AP3S2: variants seen among roughly 807,000 people sequenced by gnomAD.
AP3S2 encodes adaptor related protein complex 3 subunit sigma 2, also known as AP-3 complex subunit sigma-2.
A neutral mutation model predicts 23.4 loss-of-function variants in AP3S2; 22 were observed. The ratio of observed to expected loss-of-function variants is 0.94; its 90% CI spans 0.67 to 1.34. The LOEUF (loss-of-function observed/expected upper bound fraction) is 1.34. AP3S2 is among the 40% of genes most tolerant of loss of function. AP3S2 has a pLI of 0.00. For synonymous variants in AP3S2, 86 were observed against 87.1 expected, an observed-to-expected ratio of 0.99 and a Z score of 0.07; for missense variants, 241 against 236.9, an observed-to-expected ratio of 1.02 and a Z score of -0.11.
intron 4 of AP3S2, among the ~76,000 whole-genome samples, chr15:89,863,387 G>A (rs1665883523): frequency 1.3e-5 from 2 of 152,220 alleles, no homozygotes; most frequent in South Asian, 4.2e-4. Context: ...CCGAGACCAG[G>A]GCATTCTGTG....
intron 4 of AP3S2, among the ~76,000 whole-genome samples, chr15:89,857,302 A>G (rs1258844666): frequency 6.6e-6 from 1 of 152,208 alleles, no homozygotes; most frequent in Non-Finnish European, 1.5e-5. Flanking sequence ...TTACAGGTAG[A>G]AAATTTGAGT....
At chr15:89,890,153 G>A (rs1421143458) in intron 1 of AP3S2, among the ~76,000 whole-genome samples, 2 of 150,566 alleles carry the variant, frequency 1.3e-5, no homozygotes, top group East Asian at 4.0e-4. Flanking sequence ...GGGTTCAAGC[G>A]ATTCTCCTGC....
At chr15:89,877,281 G>A in intron 3 of AP3S2, 1 of 1,302,256 alleles carries the variant, frequency 7.7e-7, no homozygotes, top group Non-Finnish European at 1.0e-6. Flanking sequence ...CGTGAGAAAT[G>A]GATGCAGTTT....
chr15:89,844,253 TTCTTTCTTTCTTTCTTTCTCTCTC>T (rs1168988530), intron 4 of AP3S2, among the ~76,000 whole-genome samples: 5 of 52,456 alleles, frequency 9.5e-5, no homozygotes, highest in Non-Finnish European at 2.5e-4. Flanking sequence ...CTTTCTTTCT[TTCTTTCTTTCTTTCTTTCTCTCTC>T]TCTCTCTTTC....
At chr15:89,861,955 CAG>C (rs1214418437) in intron 4 of AP3S2, among the ~76,000 whole-genome samples, 1 of 152,068 alleles carries the variant, frequency 6.6e-6, no homozygotes, top group African/African-American at 2.4e-5. Flanking sequence ...ACAATTCAGG[CAG>C]AGAGTTGAGG....
intron 3 of AP3S2, among the ~76,000 whole-genome samples, chr15:89,887,684 T>G (rs1243026448): frequency 1.3e-5 from 2 of 151,794 alleles, no homozygotes; most frequent in African/African-American, 4.8e-5. Context: ...ATTTATTATT[T>G]TTTTGAGACG....
rs1334734933 is a variant in AP3S2, at chr15:89,833,664, A to G, written c.*1851T>C. Reference sequence around the variant, plus strand: ...AGAAAAAAGAAAATCCAACCCCTCAAAAGAATGACATCAGGGGTTTTGATA... The same window carrying G: ...AGAAAAAAGAAAATCCAACCCCTCAGAAGAATGACATCAGGGGTTTTGATA... On this transcript the variant is annotated 3_prime_UTR_variant, in exon 6 of 6. Coordinates refer to ENST00000336418, the MANE Select transcript of AP3S2 (RefSeq NM_005829.5). The G allele has an allele frequency of 1.3e-5, 2 of 152,210 alleles. No individual in the cohort carries two copies. Among genetic ancestry groups the G allele is most frequent in the Admixed American group, 1.3e-4 (2 of 15,290 alleles). 9.4% of individuals were successfully genotyped at this position (152,210 alleles called of 1,614,324 possible).
intron 3 of AP3S2, among the ~76,000 whole-genome samples, chr15:89,886,285 T>G (rs1896699570): frequency 6.6e-6 from 1 of 152,006 alleles, no homozygotes; most frequent in African/African-American, 2.4e-5. Context: ...TCGGAGGTTG[T>G]GGTGAGCTGA....
intron 4 of AP3S2, among the ~76,000 whole-genome samples, chr15:89,849,699 C>CT (rs1286773532): frequency 2.0e-5 from 3 of 152,164 alleles, no homozygotes; most frequent in African/African-American, 7.2e-5. Flanking sequence ...AAAAATTATA[C>CT]TTTAAGTTCT....
intron 4 of AP3S2, among the ~76,000 whole-genome samples, chr15:89,860,274 C>T (rs1299074685): frequency 1.3e-5 from 2 of 152,112 alleles, no homozygotes; most frequent in Admixed American, 6.5e-5. Context: ...AAATTAGGCA[C>T]AGTAAGAGAT....
At chr15:89,849,646 C>A (rs1426730538) in intron 4 of AP3S2, among the ~76,000 whole-genome samples, 1 of 152,012 alleles carries the variant, frequency 6.6e-6, no homozygotes, top group East Asian at 1.9e-4. Context: ...GGATTACAGG[C>A]ATGAGCCACT....
chr15:89,867,025 C>G lies in AP3S2; in HGVS notation c.345+4450G>C, dbSNP rs1298637933. Among the ~76,000 whole-genome samples the G allele has an allele frequency of 2.0e-4, 25 of 125,136 alleles. 1 individual carries two copies. In the Admixed American group the frequency reaches 2.1e-3, roughly 10 times the overall value. 82.1% of individuals were successfully genotyped at this position (125,136 alleles called of 152,430 possible). On this transcript the variant is annotated intron_variant, in intron 4 of 5. Transcript: ENST00000336418. ...CTCTCCCCCTACCCCTCCCCCTCCC[C>G]CTCTCCCTCTCCCTCTCCCTCTCCC...
At chr15:89,888,680 A>G in intron 2 of AP3S2, 48 bp from the exon 3 acceptor site, 1 of 1,560,844 alleles carries the variant, frequency 6.4e-7, no homozygotes, top group Non-Finnish European at 8.8e-7. Context: ...AATTAAACAC[A>G]TCAAAAAGAA....
intron 3 of AP3S2, among the ~76,000 whole-genome samples, chr15:89,878,527 A>T (rs1342696005): frequency 6.6e-6 from 1 of 152,108 alleles, no homozygotes; most frequent in Non-Finnish European, 1.5e-5. Flanking sequence ...GCATTTTTTC[A>T]CCCATCAGAT....
At chr15:89,856,431 T>A (rs1895838684) in intron 4 of AP3S2, among the ~76,000 whole-genome samples, 1 of 152,060 alleles carries the variant, frequency 6.6e-6, no homozygotes, top group African/African-American at 2.4e-5. Context: ...CTGGGCGTGG[T>A]GGCTCACGCC....
intron 4 of AP3S2, among the ~76,000 whole-genome samples, chr15:89,843,922 C>T (rs138942348): frequency 5.9e-5 from 9 of 152,232 alleles, no homozygotes; most frequent in African/African-American, 1.2e-4. Context: ...AACAACAGAT[C>T]GTCAATACTA....
intron 4 of AP3S2, among the ~76,000 whole-genome samples, chr15:89,860,409 G>C (rs911811638): frequency 6.6e-6 from 1 of 152,190 alleles, no homozygotes; most frequent in Admixed American, 6.5e-5. Context: ...CACTGTGACA[G>C]TCAAGATGGC....
rs1895086649 is a variant in AP3S2, at chr15:89,831,971, A to G, written c.*3544T>C. On this transcript the variant is annotated 3_prime_UTR_variant, in exon 6 of 6. Coordinates refer to ENST00000336418, the MANE Select transcript of AP3S2 (RefSeq NM_005829.5). ...CAAATTCAGGCTGCCAGTCCGATGC[A>G]CTATATCCCAACAATCTGAGCACTC... 6.6e-6 allele frequency: 1 copy of G among 152,276 alleles called. No homozygotes were observed. The allele number at this position is 152,276 out of a possible 1,614,324, so 9.4% of individuals were successfully genotyped here. A position where few individuals can be genotyped will look rare whatever the true frequency, so the allele number is the denominator to read the frequency against.
At chr15:89,844,145 A>T (rs1895404563) in intron 4 of AP3S2, among the ~76,000 whole-genome samples, 1 of 152,246 alleles carries the variant, frequency 6.6e-6, no homozygotes, top group Admixed American at 6.5e-5. Flanking sequence ...CATTGTTATA[A>T]ACAACAAAAC....
Sources: allele counts gnomAD v4.1 joint callset (sites outside exome capture counted in the v4.1 genomes callset), GRCh38; gene constraint gnomAD v4.1.1; transcripts MANE v1.5; gene names NCBI Gene and HGNC (gene_info 2026-07-23, HGNC 2026-07-21).